Variants in RNF123 observed in about 807,000 individuals in gnomAD.
RNF123 encodes E3 ubiquitin-protein ligase RNF123.
Under a neutral mutation model 168.5 loss-of-function variants are expected in RNF123, and 86 were observed. That is an observed-to-expected ratio of 0.51 (90% CI 0.43 to 0.61). The LOEUF is 0.61. Among genes scored for constraint, RNF123 ranks in the 20% least tolerant of loss-of-function variants. RNF123 has a pLI of 0.00. For synonymous variants in RNF123, 666 were observed against 689.1 expected, an observed-to-expected ratio of 0.97 and a Z score of 0.52; for missense variants, 1,419 against 1,729.7, an observed-to-expected ratio of 0.82 and a Z score of 3.19.
intron 27 of RNF123, chr3:49,713,062 C>G: frequency 3.2e-6 from 2 of 623,302 alleles, no homozygotes; most frequent in Non-Finnish European, 5.8e-6. Context: ...GGGGTGGACC[C>G]TGCTAGGGTC....
At chr3:49,714,205 A>C (rs1193856167) in intron 31 of RNF123, 31 bp downstream of exon 31, 2 of 1,606,388 alleles carry the variant, frequency 1.2e-6, no homozygotes, top group African/African-American at 2.7e-5. Flanking sequence ...AGTCCTGGGC[A>C]AGGCAGGCGG....
intron 21 of RNF123, among the ~76,000 whole-genome samples, chr3:49,704,323 T>C (rs891011658): frequency 1.3e-5 from 2 of 152,050 alleles, no homozygotes; most frequent in Non-Finnish European, 2.9e-5. Context: ...GAGCAGGAAG[T>C]CCTGGGAAAC....
intron 7 of RNF123, 99 bp from the exon 8 acceptor site, chr3:49,698,341 C>T: frequency 1.9e-6 from 2 of 1,077,104 alleles, no homozygotes; most frequent in East Asian, 2.4e-5. Flanking sequence ...TCATCTGTTC[C>T]CTTCTGTAGA....
At position 49,691,109 on chromosome 3, in the gene RNF123, C is replaced by T. The variant is rs145379690; in HGVS notation, c.-36-21C>T. The T allele has an allele frequency of 4.1e-3, 6,415 of 1,547,332 alleles. 26 individuals carry two copies. The highest frequency in any genetic ancestry group is 5.4e-3 in the Non-Finnish European group (6,032 of 1,124,014). On this transcript the variant is annotated intron_variant, in intron 1 of 38. Coordinates refer to ENST00000327697, the MANE Select transcript of RNF123 (RefSeq NM_022064.5). ...GGGCCCCTGGCTGGCCCTGAGTAGA[C>T]AGGCTCTGTGTCTGGCTCAGCCCCC...
chr3:49,703,852 C>T (rs763683805), intron 21 of RNF123, among the ~76,000 whole-genome samples: 8 of 152,140 alleles, frequency 5.3e-5, no homozygotes, highest in South Asian at 2.1e-4. Flanking sequence ...GAGGGCACAG[C>T]GAGAGCAAGG....
chr3:49,704,550 C>A, intron 21 of RNF123, 100 bp from the exon 22 acceptor site: 1 of 1,010,466 alleles, frequency 9.9e-7, no homozygotes, highest in Non-Finnish European at 1.5e-6. Context: ...TCTGCAAGGC[C>A]TCCTGCCCAG....
At position 49,715,638 on chromosome 3, in the gene RNF123, T is replaced by C; in HGVS notation, c.3074T>C (p.Val1025Ala). 6.2e-7 allele frequency: 1 copy of C among 1,614,206 alleles called. No individual in the cohort carries two copies. The highest frequency in any genetic ancestry group is 8.5e-7 in the Non-Finnish European group (1 of 1,180,034). ...GACCTCCTACAGCAGGGTCCTGATG[T>C]GGCACCCAGCTTCCTCAACAGCGTC... ...MADLLQQGPD[V>A]APSFLNSVLN... is the part of the protein sequence containing the mutation. The change falls in exon 32 of 39, where the codon GTG (valine) becomes GCG (alanine). Residue 1025 changes from valine (V) to alanine (A), a missense_variant. Transcript: ENST00000327697.
In RNF123 at chr3:49,705,447, G is replaced by A. The variant is rs560623201; in HGVS notation, c.2159-87G>A. 3.1e-5 allele frequency: 47 copies of A among 1,513,974 alleles called. No individual in the cohort carries two copies. In the East Asian group the frequency reaches 7.0e-4, roughly 23 times the overall value. The allele number at this position is 1,513,974 out of a possible 1,614,324, so 93.8% of individuals were successfully genotyped here. On this transcript the variant is annotated intron_variant, in intron 23 of 38. Coordinates refer to ENST00000327697, the MANE Select transcript of RNF123 (RefSeq NM_022064.5). ...GGTCCCTCCTTGGGCACAGGAATGGGAGAGATGATTTCCTCTCCTGCTGTG... is the reference window on the plus strand; with the variant it reads ...GGTCCCTCCTTGGGCACAGGAATGGAAGAGATGATTTCCTCTCCTGCTGTG...
At chr3:49,705,747 G>T (rs1447555900) in intron 24 of RNF123, 68 bp downstream of exon 24, 6 of 1,603,558 alleles carry the variant, frequency 3.7e-6, no homozygotes. Context: ...GTGTATTCCT[G>T]TGTGCACATG....
At chr3:49,718,257 G>A (rs766996289) in intron 35 of RNF123, 3 of 1,612,266 alleles carry the variant, frequency 1.9e-6, no homozygotes, top group African/African-American at 2.7e-5. Context: ...AGGGTGGGGC[G>A]AACAGGTAGA....
chr3:49,704,686 C>A lies in RNF123; in HGVS notation c.1889C>A (p.Pro630Gln). 6.2e-7 allele frequency: 1 copy of A among 1,608,964 alleles called. No individual in the cohort carries two copies. Among genetic ancestry groups the A allele is most frequent in the Non-Finnish European group, 8.5e-7 (1 of 1,177,718 alleles). Reference protein sequence around the residue: ...LASKANIVIDPLELQSTAMDD... With the variant: ...LASKANIVIDQLELQSTAMDD... Reference sequence around the variant, plus strand: ...TCCAAAGCCAACATTGTGATCGACCCACTGGAGCTCCAGTCAACCGCCATG... The same window carrying A: ...TCCAAAGCCAACATTGTGATCGACCAACTGGAGCTCCAGTCAACCGCCATG... Residue 630 changes from proline (P) to glutamine (Q), a missense_variant, in exon 22 of 39, where the codon CCA becomes CAA. This residue lies in a region of RNF123 where 538 missense variants were observed against 708.8 expected (regional missense o/e 0.76). Coordinates refer to ENST00000327697, the MANE Select transcript of RNF123 (RefSeq NM_022064.5).
rs898770898 is a variant in RNF123, at chr3:49,691,214, C to G, written c.49C>G (p.Leu17Val). The change falls in exon 2 of 39, where the codon CTG (leucine) becomes GTG (valine). Residue 17 changes from leucine (L) to valine (V), a missense_variant. This residue lies in a region of RNF123 where 318 missense variants were observed against 446.6 expected (regional missense o/e 0.71). Transcript: ENST00000327697. ...GMSFSRKSYR[L>V]TSDAEKSRVT... ...GTCTTTCTCCCGCAAGAGCTATAGG[C>G]TGACCTCAGATGCTGAGAAATCCAG... 1.2e-6 allele frequency: 2 copies of G among 1,613,862 alleles called. No individual in the cohort carries two copies. Among genetic ancestry groups the G allele is most frequent in the African/African-American group, 2.7e-5 (2 of 74,936 alleles).
chr3:49,719,478 C>T (rs1296232732), intron 35 of RNF123: 2 of 1,604,950 alleles, frequency 1.2e-6, no homozygotes, highest in African/African-American at 1.3e-5. Flanking sequence ...CGGCGACCAC[C>T]AGGGACAGTA....
intron 27 of RNF123, chr3:49,712,939 CAA>C: frequency 2.8e-6 from 2 of 703,076 alleles, no homozygotes; most frequent in South Asian, 3.0e-5. Flanking sequence ...GTGCTATGAG[CAA>C]CTGCCATGGT....
intron 26 of RNF123, among the ~76,000 whole-genome samples, chr3:49,710,992 G>C (rs753695834): frequency 9.2e-5 from 14 of 152,126 alleles, no homozygotes; most frequent in Non-Finnish European, 1.9e-4. Flanking sequence ...CAGCACTTTG[G>C]GAGGCTGAAG....
At position 49,699,410 on chromosome 3, in the gene RNF123, G is replaced by C; in HGVS notation, c.765-58G>C. The C allele has an allele frequency of 7.0e-7, 1 of 1,425,086 alleles. No individual in the cohort carries two copies. The highest frequency in any genetic ancestry group is 1.8e-4 in the Middle Eastern group (1 of 5,646). 88.3% of individuals were successfully genotyped at this position (1,425,086 alleles called of 1,614,324 possible). A position where few individuals can be genotyped will look rare whatever the true frequency, so the allele number is the denominator to read the frequency against. On this transcript the variant is annotated intron_variant, in intron 10 of 38. Coordinates refer to ENST00000327697, the MANE Select transcript of RNF123 (RefSeq NM_022064.5). This position sits in a 1 kb window ranked among gnomAD's most constrained non-coding sequence, Gnocchi z 4.8. ...GCCCCGGGGTGGGGGGTGGGCAGTG[G>C]AGAGGGAGTAGGCATGTCTGAGCCA... is the stretch of plus-strand genomic sequence containing the variant.
Position 49,713,290 on chromosome 3 carries a change from G to T in RNF123, c.2675-223G>T, listed in dbSNP as rs2080178501. The T allele has an allele frequency of 5.0e-6, 3 of 598,838 alleles. No individual in the cohort carries two copies. The African/African-American group carries it at 5.6e-5, about 11-fold the overall frequency. The allele number at this position is 598,838 out of a possible 1,614,324, so 37.1% of individuals were successfully genotyped here. A position where few individuals can be genotyped will look rare whatever the true frequency, so the allele number is the denominator to read the frequency against. ...GAGATGGGTTTGAGCCCAGGTCAGG[G>T]CTCCTGCCAGGGCCTGTCATCCCTT... On this transcript the variant is annotated intron_variant, in intron 27 of 38. Coordinates refer to ENST00000327697, the MANE Select transcript of RNF123 (RefSeq NM_022064.5).
In RNF123 at chr3:49,705,575, C is replaced by T. The variant is rs1233410899; in HGVS notation, c.2200C>T (p.Pro734Ser). Residue 734 changes from proline to serine, a missense_variant, in exon 24 of 39, where the codon CCC becomes TCC. Transcript: ENST00000327697. ...GAATGAGGGCTTGCTGCTGGGGCGG[C>T]CCCCCGAGGAGCCTGAGCAGCCCCT... ...HWNEGLLLGR[P>S]PEEPEQPLTE... 3.1e-6 allele frequency: 5 copies of T among 1,607,678 alleles called. No individual in the cohort carries two copies. In the South Asian group the frequency reaches 3.3e-5, roughly 11 times the overall value.
Position 49,702,768 on chromosome 3 carries a change from G to A in RNF123, c.1750+15G>A. 1.2e-6 allele frequency: 2 copies of A among 1,613,998 alleles called. No individual in the cohort carries two copies. The highest frequency in any genetic ancestry group is 1.3e-5 in the African/African-American group (1 of 75,052). ...CTTCAGTGAGGGTGAGTGGCACCGG[G>A]GTCCCAGGTCAGTGAGGCTGGACAG... is the stretch of plus-strand genomic sequence containing the variant. On this transcript the variant is annotated intron_variant, in intron 20 of 38. Coordinates refer to ENST00000327697, the MANE Select transcript of RNF123 (RefSeq NM_022064.5).
Sources: allele counts gnomAD v4.1 joint callset (sites outside exome capture counted in the v4.1 genomes callset), GRCh38; gene constraint gnomAD v4.1.1; regional missense constraint gnomAD v4.1.1; non-coding constraint Gnocchi (gnomAD v3.1); transcripts MANE v1.5; gene names NCBI Gene and HGNC (gene_info 2026-07-23, HGNC 2026-07-21).